PAK3: variants seen among roughly 807,000 people sequenced by gnomAD.
PAK3 encodes serine/threonine-protein kinase PAK 3.
A neutral mutation model predicts 41.0 loss-of-function variants in PAK3; 4 were observed. The ratio of observed to expected loss-of-function variants is 0.10; its 90% CI spans 0.05 to 0.22. The LOEUF is 0.22. Among genes scored for constraint, PAK3 ranks in the 10% least tolerant of loss-of-function variants. The pLI is 1.00. For synonymous variants in PAK3, 146 were observed against 139.6 expected, an observed-to-expected ratio of 1.05 and a Z score of -0.32; for missense variants, 205 against 409.9, an observed-to-expected ratio of 0.50 and a Z score of 4.32.
At chrX:111,028,181 A>G (rs2092299079) in intron 1 of PAK3, among the ~76,000 whole-genome samples, 1 of 107,846 alleles carries the variant, frequency 9.3e-6, no homozygotes, top group African/African-American at 3.4e-5. Context: ...GTTCTTACTC[A>G]TATGTGGGAA....
chrX:111,190,904 G>A (rs1017525706), intron 11 of PAK3, among the ~76,000 whole-genome samples: 4 of 112,077 alleles, frequency 3.6e-5, no homozygotes, highest in East Asian at 2.8e-4. Flanking sequence ...CACTAAAAGC[G>A]AAATTGACTT....
At chrX:111,115,087 G>T (rs1209636603) in intron 4 of PAK3, among the ~76,000 whole-genome samples, 2 of 112,242 alleles carry the variant, frequency 1.8e-5, no homozygotes, top group East Asian at 5.6e-4. Flanking sequence ...GTATGTATAT[G>T]AGCACTAGGG....
At chrX:111,063,580 G>T (rs1300490530) in intron 1 of PAK3, among the ~76,000 whole-genome samples, 1 of 111,188 alleles carries the variant, frequency 9.0e-6, no homozygotes, top group African/African-American at 3.3e-5. Flanking sequence ...TTATAGGGAA[G>T]GGCAGACACA....
At chrX:111,133,451 T>C in intron 5 of PAK3, among the ~76,000 whole-genome samples, 1 of 112,415 alleles carries the variant, frequency 8.9e-6, no homozygotes, top group African/African-American at 3.2e-5. Flanking sequence ...GCACCTAATT[T>C]TCTTTGGTAG....
At chrX:110,961,118 A>T (rs1371977489) in intron 1 of PAK3, among the ~76,000 whole-genome samples, 1 of 111,563 alleles carries the variant, frequency 9.0e-6, no homozygotes, top group Non-Finnish European at 1.9e-5. Flanking sequence ...ATGCTTAGAA[A>T]CATACTGATA....
chrX:111,115,817 G>A (rs763435213), intron 4 of PAK3, among the ~76,000 whole-genome samples: 8 of 111,027 alleles, frequency 7.2e-5, no homozygotes, highest in Non-Finnish European at 1.5e-4. Flanking sequence ...GCCCCAGGTA[G>A]CTCTTCTCTT....
At chrX:111,055,741 T>A (rs753774805) in intron 1 of PAK3, among the ~76,000 whole-genome samples, 2 of 111,587 alleles carry the variant, frequency 1.8e-5, no homozygotes, top group Non-Finnish European at 3.8e-5. Context: ...CCACTCCTCA[T>A]GGCCTGAAAC....
intron 10 of PAK3, chrX:111,169,548 G>A (rs184682461): frequency 1.8e-5 from 2 of 111,692 alleles, no homozygotes; most frequent in African/African-American, 6.5e-5. Context: ...AAGTGAAGTT[G>A]TTAATTATTC....
chrX:111,216,494 A>G lies in PAK3; in HGVS notation c.1481A>G (p.Asp494Gly). 1 of 1,192,251 alleles carries G rather than the reference A, an allele frequency of 8.4e-7. No homozygotes were observed. The highest frequency in any genetic ancestry group is 1.1e-6 in the Non-Finnish European group (1 of 877,702). The change falls in exon 17 of 18, where the codon GAC (aspartate) becomes GGC (glycine). Residue 494 changes from aspartate to glycine, a missense_variant. Asp to Gly is a moderately conservative substitution (Grantham distance 94). Transcript: ENST00000372007. The part of the protein sequence containing the change: ...NPERLSAVFR[D>G]FLNRCLEMDV... ...GAGAGACTGTCAGCTGTATTCCGTG[A>G]CTTTTTAAATCGCTGTCTTGAGATG...
At chrX:111,122,116 C>T (rs1238445449) in intron 4 of PAK3, among the ~76,000 whole-genome samples, 3 of 107,141 alleles carry the variant, frequency 2.8e-5, no homozygotes, top group Admixed American at 1.0e-4. Context: ...ATTAGCTGGG[C>T]GTGGTGGTGG....
At chrX:110,974,764 G>A (rs989734037) in intron 1 of PAK3, among the ~76,000 whole-genome samples, 1 of 111,617 alleles carries the variant, frequency 9.0e-6, no homozygotes, top group African/African-American at 3.3e-5. Flanking sequence ...TATCCACCAC[G>A]ATCAAGTTGG....
chrX:111,128,477 A>G (rs2149030188), intron 5 of PAK3, among the ~76,000 whole-genome samples: 1 of 112,116 alleles, frequency 8.9e-6, no homozygotes, highest in African/African-American at 3.2e-5. Flanking sequence ...CAGCCACTCT[A>G]TATTATTCCC....
intron 11 of PAK3, among the ~76,000 whole-genome samples, chrX:111,180,504 A>G (rs1388005787): frequency 8.9e-6 from 1 of 112,172 alleles, no homozygotes; most frequent in Admixed American, 9.5e-5. Context: ...ATGAATATGG[A>G]TAAGTACCAA....
chrX:110,947,150 AC>A (rs2090635251), intron 1 of PAK3, among the ~76,000 whole-genome samples: 1 of 111,722 alleles, frequency 9.0e-6, no homozygotes, highest in Non-Finnish European at 1.9e-5. Flanking sequence ...GGTTCTGAGA[AC>A]ATGGATCAGC....
intron 5 of PAK3, among the ~76,000 whole-genome samples, chrX:111,125,265 G>A (rs866653645): frequency 9.0e-6 from 1 of 111,667 alleles, no homozygotes; most frequent in Non-Finnish European, 1.9e-5. Context: ...CTTGGCTAGA[G>A]GTGGTGAAAT....
chrX:111,147,199 TAGTA>T (rs1569406271), intron 6 of PAK3, among the ~76,000 whole-genome samples: 1 of 111,693 alleles, frequency 9.0e-6, no homozygotes, highest in African/African-American at 3.3e-5. Context: ...CCTGCCTTTA[TAGTA>T]AAGCGCTAGA....
intron 4 of PAK3, among the ~76,000 whole-genome samples, chrX:111,112,155 C>CAT (rs1302021515): frequency 9.0e-6 from 1 of 111,496 alleles, no homozygotes; most frequent in Non-Finnish European, 1.9e-5. Flanking sequence ...GAAACCTCTT[C>CAT]ATATACACAA....
At chrX:111,033,259 C>G (rs1342943490) in intron 1 of PAK3, among the ~76,000 whole-genome samples, 1 of 111,480 alleles carries the variant, frequency 9.0e-6, no homozygotes, top group African/African-American at 3.3e-5. Context: ...GTTACTTGTC[C>G]AAGCACTCAT....
chrX:111,083,979 T>G (rs192048862), intron 1 of PAK3, among the ~76,000 whole-genome samples: 2 of 112,904 alleles, frequency 1.8e-5, no homozygotes, highest in Admixed American at 1.9e-4. Context: ...TTATTTAGTT[T>G]ATGGACAGTC....
Sources: allele counts gnomAD v4.1 joint callset (sites outside exome capture counted in the v4.1 genomes callset), GRCh38; gene constraint gnomAD v4.1.1; transcripts MANE v1.5; gene names NCBI Gene and HGNC (gene_info 2026-07-23, HGNC 2026-07-21).